Variants in PCDH9 observed in about 807,000 individuals in gnomAD.
The protein encoded by PCDH9 is protocadherin 9.
Under a neutral mutation model 70.6 loss-of-function variants are expected in PCDH9, and 24 were observed. The observed-to-expected ratio is 0.34, with a 90% CI of 0.25 to 0.48. The LOEUF is 0.48. Among genes scored for constraint, PCDH9 ranks in the 20% least tolerant of loss-of-function variants. The pLI is 0.99. For synonymous variants in PCDH9, 562 were observed against 558.5 expected, an observed-to-expected ratio of 1.01 and a Z score of -0.09; for missense variants, 1,281 against 1,503.6, an observed-to-expected ratio of 0.85 and a Z score of 2.45.
intron 4 of PCDH9, among the ~76,000 whole-genome samples, chr13:66,483,451 T>A (rs1288300006): frequency 6.6e-6 from 1 of 152,148 alleles, no homozygotes; most frequent in African/African-American, 2.4e-5. Context: ...GTGAAGGAAG[T>A]TCCTATTACA....
intron 2 of PCDH9, among the ~76,000 whole-genome samples, chr13:67,151,680 A>C (rs2087665287): frequency 6.6e-6 from 1 of 151,626 alleles, no homozygotes; most frequent in South Asian, 2.1e-4. Context: ...TTTGCTCTAT[A>C]CTTAGAGGAA....
At chr13:67,127,690 G>GTGTA (rs2087012937) in intron 2 of PCDH9, among the ~76,000 whole-genome samples, 1 of 151,006 alleles carries the variant, frequency 6.6e-6, no homozygotes, top group Non-Finnish European at 1.5e-5. Flanking sequence ...GTGTGTGTGT[G>GTGTA]TGTGTGTGTG....
chr13:66,446,338 G>T lies in PCDH9; in HGVS notation c.3341-141310C>A, dbSNP rs556240364. 3.4e-4 allele frequency among the ~76,000 whole-genome samples: 52 copies of T among 151,974 alleles called. No homozygotes were observed. In the South Asian group the frequency reaches 0.01, roughly 30 times the overall value. The stretch of plus-strand genomic sequence containing the variant: ...CACTCAGAAATGTTTAAAAAAAATG[G>T]AAGACAGCTGGATATTATGATATAA... On this transcript the variant is annotated intron_variant, in intron 4 of 4. Coordinates refer to ENST00000377865, the MANE Select transcript of PCDH9 (RefSeq NM_203487.3).
intron 4 of PCDH9, among the ~76,000 whole-genome samples, chr13:66,340,807 C>T (rs979037289): frequency 6.6e-6 from 1 of 152,142 alleles, no homozygotes; most frequent in South Asian, 2.1e-4. Flanking sequence ...CATAGGTAAA[C>T]AGACATTTCT....
Position 66,910,260 on chromosome 13 carries a change from G to A in PCDH9, c.3037-6655C>T, listed in dbSNP as rs549796020. 4.9e-4 allele frequency among the ~76,000 whole-genome samples: 74 copies of A among 152,330 alleles called. 2 individuals are homozygous for A. The South Asian group carries it at 0.013, about 28-fold the overall frequency. On this transcript the variant is annotated intron_variant, in intron 2 of 4. Coordinates refer to ENST00000377865, the MANE Select transcript of PCDH9 (RefSeq NM_203487.3). ...AACAGTGAGAAACTGACTGTTGCAC[G>A]TGGGATTTATGAGAAAACAAAAGCT...
chr13:66,991,599 T>G (rs2063752166), intron 2 of PCDH9, among the ~76,000 whole-genome samples: 1 of 152,152 alleles, frequency 6.6e-6, no homozygotes, highest in African/African-American at 2.4e-5. Context: ...AAATTTCATT[T>G]GACTAACTAC....
chr13:66,810,934 C>T (rs1319309207), intron 3 of PCDH9, among the ~76,000 whole-genome samples: 2 of 151,796 alleles, frequency 1.3e-5, no homozygotes, highest in Non-Finnish European at 2.9e-5. Flanking sequence ...ATTCCCTTTA[C>T]CTAATATTAA....
At chr13:66,628,092 T>C (rs1000745351) in intron 4 of PCDH9, among the ~76,000 whole-genome samples, 7 of 152,308 alleles carry the variant, frequency 4.6e-5, no homozygotes, top group African/African-American at 1.2e-4. Context: ...CAGACCCGTA[T>C]TGGTAAAAAT....
At chr13:66,863,210 C>T (rs1395176541) in intron 3 of PCDH9, among the ~76,000 whole-genome samples, 1 of 152,204 alleles carries the variant, frequency 6.6e-6, no homozygotes, top group Non-Finnish European at 1.5e-5. Context: ...TCTGTTCTCT[C>T]TGGTAATGAA....
chr13:66,997,776 G>A (rs1402667248), intron 2 of PCDH9, among the ~76,000 whole-genome samples: 8 of 152,006 alleles, frequency 5.3e-5, no homozygotes, highest in African/African-American at 1.9e-4. Context: ...CTCGTGATCC[G>A]CCTGCCTTGG....
At chr13:66,450,200 A>C (rs1377822593) in intron 4 of PCDH9, among the ~76,000 whole-genome samples, 2 of 152,174 alleles carry the variant, frequency 1.3e-5, no homozygotes. Flanking sequence ...AGGGTGTGCA[A>C]TTAGTTAATA....
chr13:66,464,235 AAG>A, intron 4 of PCDH9, among the ~76,000 whole-genome samples: 1 of 151,808 alleles, frequency 6.6e-6, no homozygotes, highest in African/African-American at 2.4e-5. Context: ...TAAAAAAAAA[AAG>A]AAGAGTGCTC....
chr13:66,978,261 G>A (rs961645145), intron 2 of PCDH9: 2 of 151,770 alleles, frequency 1.3e-5, no homozygotes, highest in African/African-American at 2.4e-5. Flanking sequence ...TGAAATTCAG[G>A]AGCCAATTTA....
chr13:66,421,417 C>T (rs561263204), intron 4 of PCDH9, among the ~76,000 whole-genome samples: 7 of 152,240 alleles, frequency 4.6e-5, no homozygotes, highest in South Asian at 2.1e-4. Context: ...ATGTTAAGGG[C>T]AGCTAGGGAA....
At chr13:67,032,554 T>C (rs777673595) in intron 2 of PCDH9, among the ~76,000 whole-genome samples, 5 of 152,196 alleles carry the variant, frequency 3.3e-5, no homozygotes, top group African/African-American at 4.8e-5. Context: ...AAAATTCTTA[T>C]GGATATTAAC....
intron 4 of PCDH9, among the ~76,000 whole-genome samples, chr13:66,354,143 TTC>T (rs1462914390): frequency 1.3e-5 from 2 of 152,174 alleles, no homozygotes; most frequent in East Asian, 1.9e-4. Context: ...GTTTTTCTTT[TTC>T]TCTCTCTTTT....
chr13:66,323,617 TAG>T (rs1337541952), intron 4 of PCDH9: 1 of 151,380 alleles, frequency 6.6e-6, no homozygotes, highest in Non-Finnish European at 1.5e-5. Flanking sequence ...GTGGGCAGTG[TAG>T]AGATTCTTTT....
intron 4 of PCDH9, among the ~76,000 whole-genome samples, chr13:66,398,462 T>C (rs1002297261): frequency 2.6e-5 from 4 of 152,126 alleles, no homozygotes; most frequent in Non-Finnish European, 5.9e-5. Context: ...TTGATTTGTC[T>C]ATTAAAAAAA....
At chr13:66,878,465 G>A (rs1013302713) in intron 3 of PCDH9, among the ~76,000 whole-genome samples, 1 of 152,114 alleles carries the variant, frequency 6.6e-6, no homozygotes, top group Non-Finnish European at 1.5e-5. Context: ...GAACTCAGGT[G>A]ATCAGCCCGC....
Sources: allele counts gnomAD v4.1 joint callset (sites outside exome capture counted in the v4.1 genomes callset), GRCh38; gene constraint gnomAD v4.1.1; transcripts MANE v1.5; gene names NCBI Gene and HGNC (gene_info 2026-07-23, HGNC 2026-07-21).